Variants in TTC22 observed in about 807,000 individuals in gnomAD.
TTC22 encodes tetratricopeptide repeat protein 22.
Under a neutral mutation model 48.2 loss-of-function variants are expected in TTC22, and 42 were observed. The ratio of observed to expected loss-of-function variants is 0.87; its 90% confidence interval spans 0.68 to 1.13. The LOEUF (loss-of-function observed/expected upper bound fraction) is 1.13, where lower values mean the gene tolerates loss of function less well. Among genes scored for constraint, TTC22 ranks in the 50% most tolerant of loss-of-function variants. TTC22 has a pLI of 0.00. For missense variants in TTC22, 784 were observed against 807.0 expected (o/e 0.97, Z 0.34); for synonymous variants, 345 against 365.5 (o/e 0.94, Z 0.64).
In TTC22 at chr1:54,800,834, GTA is replaced by G. The variant is rs746773207; in HGVS notation, c.328_329del (p.Tyr110ArgfsTer109). 1 of 1,605,750 alleles carries G rather than the reference GTA, an allele frequency of 6.2e-7. No individual in the cohort carries two copies. The stretch of plus-strand genomic sequence containing the variant: ...CCTCTTCTTCCTGGCCCAGCCGCCC[GTA>G]CACGTGTGCCAGATTGGCCCAGGCA... Reference protein sequence around the residue: ...LNAWANLAHVYGRLGQEEEEE... With the variant: ...LNAWANLAHVXGRLGQEEEEE... On this transcript the variant is annotated frameshift_variant, in exon 1 of 7. Transcript: ENST00000371276. LOFTEE classifies it high-confidence loss of function.
chr1:54,781,044 G>C lies in TTC22; in HGVS notation c.*199C>G. On this transcript the variant is annotated 3_prime_UTR_variant, in exon 7 of 7. Coordinates refer to ENST00000371276, the MANE Select transcript of TTC22 (RefSeq NM_001114108.2). ...TGCTCCCAGCCTCTTCTGCTCTCGG[G>C]AATCAGGCCTTCCAGTCTGGGTGGG... 1 of 412,588 alleles carries C rather than the reference G, an allele frequency of 2.4e-6. No homozygotes were observed. The highest frequency in any genetic ancestry group is 4.3e-6 in the Non-Finnish European group (1 of 234,284). 25.6% of individuals were successfully genotyped at this position (412,588 alleles called of 1,614,324 possible). A position where few individuals can be genotyped will look rare whatever the true frequency, so the allele number is the denominator to read the frequency against.
intron 6 of TTC22, 22 bp downstream of exon 6, chr1:54,782,303 C>T (rs375037875): frequency 9.9e-6 from 15 of 1,514,104 alleles, no homozygotes; most frequent in Non-Finnish European, 1.3e-5. Flanking sequence ...CAGCTATTGG[C>T]TAAGCCAAGA....
chr1:54,783,225 G>C (rs1226495075), intron 5 of TTC22, among the ~76,000 whole-genome samples: 1 of 152,202 alleles, frequency 6.6e-6, no homozygotes, highest in East Asian at 1.9e-4. Context: ...TTGCTTATAA[G>C]ACAGCATCAT....
rs761396871 is a variant in TTC22 at position 54,800,944 on chromosome 1, C to T, written c.220G>A (p.Ala74Thr). The T allele has an allele frequency of 6.2e-7, 1 of 1,603,770 alleles. No individual in the cohort carries two copies. Among genetic ancestry groups the T allele is most frequent in the Non-Finnish European group, 8.5e-7 (1 of 1,177,652 alleles). The change falls in exon 1 of 7, where the codon GCT (alanine) becomes ACT (threonine). Residue 74 changes from alanine (A) to threonine (T), a missense_variant. Physicochemically the swap from Ala to Thr is moderately conservative, Grantham distance 58. Coordinates refer to ENST00000371276, the MANE Select transcript of TTC22 (RefSeq NM_001114108.2). The part of the protein sequence containing the change: ...QRPAVRHLLG[A>T]FAFYLEELDE... ...AGCTCCTCCAGGTAGAATGCGAAAG[C>T]GCCCAGGAGGTGACGCACAGCGGGG...
intron 1 of TTC22, among the ~76,000 whole-genome samples, chr1:54,794,185 G>A (rs942573152): frequency 6.6e-6 from 1 of 152,172 alleles, no homozygotes; most frequent in Non-Finnish European, 1.5e-5. Flanking sequence ...TGAGTAAAAG[G>A]ATCAGAAATT....
At chr1:54,790,819 C>T in intron 1 of TTC22, among the ~76,000 whole-genome samples, 1 of 151,574 alleles carries the variant, frequency 6.6e-6, no homozygotes, top group South Asian at 2.1e-4. Context: ...TCTTCTTTTT[C>T]CTTCTTCTTC....
At chr1:54,796,339 G>A (rs891795161) in intron 1 of TTC22, among the ~76,000 whole-genome samples, 5 of 152,344 alleles carry the variant, frequency 3.3e-5, no homozygotes, top group East Asian at 3.9e-4. Context: ...TGTGAGGCTG[G>A]CCACCTCCCT....
At chr1:54,791,965 G>C (rs1646355082) in intron 1 of TTC22, among the ~76,000 whole-genome samples, 1 of 150,824 alleles carries the variant, frequency 6.6e-6, no homozygotes, top group Admixed American at 6.7e-5. Context: ...GCTTACCTAA[G>C]GTTCCACACT....
At chr1:54,800,121 A>G (rs1277005634) in intron 1 of TTC22, among the ~76,000 whole-genome samples, 3 of 152,072 alleles carry the variant, frequency 2.0e-5, no homozygotes, top group Admixed American at 6.5e-5. Context: ...TACTGAAGCC[A>G]TGATCATTCA....
chr1:54,781,686 C>T lies in TTC22; in HGVS notation c.1267G>A (p.Gly423Ser), dbSNP rs1414594727. The change falls in exon 7 of 7, where the codon GGC becomes AGC. Residue 423 changes from glycine (G) to serine (S), a missense_variant. Coordinates refer to ENST00000371276, the MANE Select transcript of TTC22 (RefSeq NM_001114108.2). ...AGCGTGGCACCCAGCTCCGACTCGC[C>T]CGCCTTGGCCAGGAACACCAGCGCC... ...NQALVFLAKA[G>S]ESELGATLPE... 2 of 1,530,492 alleles carry T rather than the reference C, an allele frequency of 1.3e-6. No individual in the cohort carries two copies. The highest frequency in any genetic ancestry group is 1.2e-5 in the South Asian group (1 of 83,128). 94.8% of individuals were successfully genotyped at this position (1,530,492 alleles called of 1,614,324 possible). A position where few individuals can be genotyped will look rare whatever the true frequency, so the allele number is the denominator to read the frequency against.
At chr1:54,789,288 G>C (rs1479906727) in intron 1 of TTC22, among the ~76,000 whole-genome samples, 1 of 152,222 alleles carries the variant, frequency 6.6e-6, no homozygotes, top group Non-Finnish European at 1.5e-5. Context: ...ACTCCCAGCT[G>C]GGGGATGTGG....
In TTC22 at chr1:54,781,190, T is replaced by G; in HGVS notation, c.*53A>C. The G allele has an allele frequency of 7.7e-7, 1 of 1,295,720 alleles. No homozygotes were observed. The highest frequency in any genetic ancestry group is 1.6e-5 in the African/African-American group (1 of 63,406). 80.3% of individuals were successfully genotyped at this position (1,295,720 alleles called of 1,614,324 possible). A position where few individuals can be genotyped will look rare whatever the true frequency, so the allele number is the denominator to read the frequency against. On this transcript the variant is annotated 3_prime_UTR_variant, in exon 7 of 7. Transcript: ENST00000371276. ...TCCATCCGGACCTGGTCCCATCAGC[T>G]GGGCGGGGCCTGGGCGGGGTCCCAG...
chr1:54,796,404 C>G (rs1646391205), intron 1 of TTC22, among the ~76,000 whole-genome samples: 1 of 152,260 alleles, frequency 6.6e-6, no homozygotes, highest in Non-Finnish European at 1.5e-5. Flanking sequence ...TGCACTGGGC[C>G]TACCTGGGCA....
At chr1:54,796,563 C>T (rs1028283200) in intron 1 of TTC22, among the ~76,000 whole-genome samples, 2 of 152,184 alleles carry the variant, frequency 1.3e-5, no homozygotes, top group African/African-American at 2.4e-5. Context: ...GACACCATTG[C>T]GGGTGTGGTT....
rs1039674751 is a variant in TTC22, at chr1:54,800,881, C to T, written c.283G>A (p.Glu95Lys). 6.2e-7 allele frequency: 1 copy of T among 1,610,460 alleles called. No homozygotes were observed. The highest frequency in any genetic ancestry group is 8.5e-7 in the Non-Finnish European group (1 of 1,179,392). Residue 95 changes from glutamate to lysine, a missense_variant, in exon 1 of 7, where the codon GAG (glutamate) becomes AAG (lysine). Coordinates refer to ENST00000371276, the MANE Select transcript of TTC22 (RefSeq NM_001114108.2). The stretch of plus-strand genomic sequence containing the variant: ...CAGGCATTGAGGTTGCCCGGGTGCT[C>T]GTGGGCCACCTCGAGGAAGCACTCG... ...ARECFLEVAH[E>K]HPGNLNAWAN...
chr1:54,787,918 G>A, intron 2 of TTC22, 92 bp from the exon 3 acceptor site: 1 of 1,460,462 alleles, frequency 6.8e-7, no homozygotes, highest in Non-Finnish European at 9.5e-7. Flanking sequence ...GGTGGGGGGT[G>A]GCGGTTTGGG....
At chr1:54,794,507 T>C (rs1364295886) in intron 1 of TTC22, among the ~76,000 whole-genome samples, 2 of 152,216 alleles carry the variant, frequency 1.3e-5, no homozygotes, top group African/African-American at 4.8e-5. Flanking sequence ...CCTTGCTTGT[T>C]CTTAAGGAAA....
intron 1 of TTC22, among the ~76,000 whole-genome samples, chr1:54,788,650 A>G (rs950759236): frequency 2.6e-5 from 4 of 152,204 alleles, no homozygotes; most frequent in African/African-American, 9.7e-5. Context: ...AGGAATTTTA[A>G]TGAAAACCAG....
intron 6 of TTC22, 127 bp downstream of exon 6, chr1:54,782,198 G>A: frequency 1.1e-6 from 1 of 913,606 alleles, no homozygotes; most frequent in South Asian, 1.8e-5. Context: ...CACGGCTGGA[G>A]GAGATGGGTA....
Sources: gnomAD v4.1 joint callset for allele counts (sites outside exome capture counted in the v4.1 genomes callset) on GRCh38, gnomAD v4.1.1 for gene constraint, MANE v1.5 for transcripts, NCBI Gene and HGNC (gene_info 2026-07-23, HGNC 2026-07-21) for gene names.